TRIO: variants seen among roughly 807,000 people sequenced by gnomAD.
TRIO encodes triple functional domain protein.
In TRIO, 58 loss-of-function variants were observed where a neutral mutation model predicts 351.9. The observed-to-expected ratio is 0.16, with a 90% CI of 0.13 to 0.21. The LOEUF (loss-of-function observed/expected upper bound fraction) is 0.21. TRIO is among the 10% of genes least tolerant of loss of function. The pLI is 1.00. For synonymous variants in TRIO, 1,758 were observed against 1,595.7 expected (o/e 1.10, Z -2.42); for missense variants, 3,201 against 4,027.8 (o/e 0.79, Z 5.56).
In TRIO at chr5:14,297,431, C is replaced by A. The variant is rs961687743; in HGVS notation, c.1368+168C>A. The A allele has an allele frequency of 8.0e-6, 6 of 753,806 alleles. No individual in the cohort carries two copies. In the African/African-American group the frequency reaches 1.1e-4, roughly 13 times the overall value. 46.7% of individuals were successfully genotyped at this position (753,806 alleles called of 1,614,324 possible). ...TAAATTCCAGCTCTTTTAGTCCTTG[C>A]TGCGTAACCTTAGGCAAGTGACTTA... On this transcript the variant is annotated intron_variant, in intron 7 of 56. Transcript: ENST00000344204.
chr5:14,259,121 C>T (rs758409808), intron 1 of TRIO, among the ~76,000 whole-genome samples: 13 of 152,204 alleles, frequency 8.5e-5, no homozygotes, highest in Non-Finnish European at 1.2e-4. Flanking sequence ...AGGGTCCTCA[C>T]GCCTCCAGCG....
chr5:14,205,781 G>C lies in TRIO; in HGVS notation c.157+61899G>C, dbSNP rs149983644. Among the ~76,000 whole-genome samples, 558 of 152,306 alleles carry C rather than the reference G, an allele frequency of 3.7e-3. 3 individuals are homozygous for C. The highest frequency in any genetic ancestry group is 0.013 in the African/African-American group (536 of 41,570). On this transcript the variant is annotated intron_variant, in intron 1 of 56. Transcript: ENST00000344204. The stretch of plus-strand genomic sequence containing the variant: ...AGAGTCTCATGCTGTCACCCGGGCT[G>C]GAGTGCAGTGGCACGCTCTCTGCTC...
chr5:14,275,647 G>T (rs1735430152), intron 2 of TRIO, among the ~76,000 whole-genome samples: 1 of 148,886 alleles, frequency 6.7e-6, no homozygotes. Context: ...TTTCCCTTCT[G>T]TTTTCATCTT....
At chr5:14,368,649 C>A in intron 16 of TRIO, 59 bp from the exon 17 acceptor site, 2 of 1,545,044 alleles carry the variant, frequency 1.3e-6, no homozygotes, top group Admixed American at 1.9e-5. Context: ...CATCCTGGTT[C>A]CTTTCTAGTC....
Position 14,488,125 on chromosome 5 carries a change from C to G in TRIO, c.7497C>G (p.Ser2499=). 3.1e-6 allele frequency: 5 copies of G among 1,609,458 alleles called. No homozygotes were observed. Among genetic ancestry groups the G allele is most frequent in the Non-Finnish European group, 4.2e-6 (5 of 1,179,458 alleles). The change falls in exon 48 of 57, where the codon TCC becomes TCG. Residue 2499 remains serine (S), a synonymous_variant. Transcript: ENST00000344204. ...IPASPASRPG[S]FTFPGDSDSL... The stretch of plus-strand genomic sequence containing the variant: ...CCTCCCCCGCCAGCCGACCCGGCTC[C>G]TTCACCTTCCCGGGGGACAGCGACT...
Position 14,509,530 on chromosome 5 carries a change from A to C in TRIO, c.*1108A>C. ...AAACTGGATAATAGGGTAATGTTTT[A>C]AAATTTATTATGCTATTATTCAGAA... is the stretch of plus-strand genomic sequence containing the variant. On this transcript the variant is annotated 3_prime_UTR_variant, in exon 57 of 57. Transcript: ENST00000344204. 1 of 386,146 alleles carries C rather than the reference A, an allele frequency of 2.6e-6. No homozygotes were observed. The highest frequency in any genetic ancestry group is 5.0e-6 in the Non-Finnish European group (1 of 198,222). The allele number at this position is 386,146 out of a possible 1,614,324, so 23.9% of individuals were successfully genotyped here.
At chr5:14,265,740 A>G (rs1795633892) in intron 1 of TRIO, among the ~76,000 whole-genome samples, 1 of 152,210 alleles carries the variant, frequency 6.6e-6, no homozygotes, top group Non-Finnish European at 1.5e-5. Flanking sequence ...ATGACAGATG[A>G]GTAATTGATT....
At position 14,481,221 on chromosome 5, in the gene TRIO, A is replaced by G; in HGVS notation, c.6337-13A>G. The G allele has an allele frequency of 1.2e-6, 2 of 1,612,984 alleles. No homozygotes were observed. Among genetic ancestry groups the G allele is most frequent in the Non-Finnish European group, 1.7e-6 (2 of 1,179,596 alleles). On this transcript the variant is annotated splice_polypyrimidine_tract_variant and intron_variant, in intron 43 of 56. Coordinates refer to ENST00000344204, the MANE Select transcript of TRIO (RefSeq NM_007118.4). ...TTGTCACCATTATCATGTCCTCTCC[A>G]TTTCCCTTGCAGGACTTCCTCAAGT...
chr5:14,292,949 T>A, intron 5 of TRIO, 63 bp from the exon 6 acceptor site: 1 of 1,609,176 alleles, frequency 6.2e-7, no homozygotes, highest in Non-Finnish European at 8.5e-7. Flanking sequence ...GCCCCATCTG[T>A]GGGCTTGTGT....
intron 10 of TRIO, among the ~76,000 whole-genome samples, chr5:14,333,593 A>C (rs766426956): frequency 2.0e-5 from 3 of 152,064 alleles, no homozygotes; most frequent in Non-Finnish European, 4.4e-5. Context: ...TCAAATGCTC[A>C]TTTTCCTTCT....
chr5:14,316,671 C>A lies in TRIO; in HGVS notation c.1659C>A (p.Asn553Lys), dbSNP rs1278308018. 1 of 1,614,110 alleles carries A rather than the reference C, an allele frequency of 6.2e-7. No individual in the cohort carries two copies. Among genetic ancestry groups the A allele is most frequent in the Non-Finnish European group, 8.5e-7 (1 of 1,180,056 alleles). ...TGCACCACCAGCGGCAGCTGGAGAA[C>A]ATCTGGCAACACCGCAAGGTCCGGC... ...EVLHHQRQLE[N>K]IWQHRKVRLH... Residue 553 changes from asparagine to lysine, a missense_variant, in exon 9 of 57, where the codon AAC becomes AAA. By Grantham distance (94) the Asn-to-Lys change is moderately conservative. Around this residue, in one of 19 missense-constraint regions of TRIO, gnomAD observed 349 missense variants for 449.3 expected, o/e 0.78. Transcript: ENST00000344204.
At chr5:14,198,951 T>C (rs1790931251) in intron 1 of TRIO, among the ~76,000 whole-genome samples, 1 of 151,982 alleles carries the variant, frequency 6.6e-6, no homozygotes, top group Non-Finnish European at 1.5e-5. Context: ...TAAAAGTACC[T>C]CTTGGGCCGG....
Position 14,143,692 on chromosome 5 carries a change from C to A in TRIO, c.-34C>A. ...CACGCGGCGCTAGGGGCGCGGGGCC[C>A]GAGGCGGGCGCGGCCGCGGGCGCCG... On this transcript the variant is annotated 5_prime_UTR_variant, in exon 1 of 57. Coordinates refer to ENST00000344204, the MANE Select transcript of TRIO (RefSeq NM_007118.4). The A allele has an allele frequency of 4.1e-6, 4 of 969,986 alleles. No homozygotes were observed. The South Asian group carries it at 1.4e-4, about 35-fold the overall frequency. 60.1% of individuals were successfully genotyped at this position (969,986 alleles called of 1,614,324 possible). A position where few individuals can be genotyped will look rare whatever the true frequency, so the allele number is the denominator to read the frequency against.
intron 31 of TRIO, among the ~76,000 whole-genome samples, chr5:14,402,791 T>A (rs1748197532): frequency 6.6e-6 from 1 of 151,796 alleles, no homozygotes; most frequent in African/African-American, 2.4e-5. Flanking sequence ...GTGGTGAGGT[T>A]GTAGATGGAG....
At chr5:14,421,963 C>T (rs13153698) in intron 34 of TRIO, among the ~76,000 whole-genome samples, 1 of 152,198 alleles carries the variant, frequency 6.6e-6, no homozygotes, top group Non-Finnish European at 1.5e-5. Flanking sequence ...TCCCCCTTCT[C>T]CTGCCCTGTG....
chr5:14,395,283 T>C (rs1747462770), intron 28 of TRIO, among the ~76,000 whole-genome samples: 1 of 152,250 alleles, frequency 6.6e-6, no homozygotes, highest in Non-Finnish European at 1.5e-5. Flanking sequence ...CAGAAATATA[T>C]AGTTACTATG....
rs1443140279 is a variant in TRIO at position 14,286,466 on chromosome 5, G to T, written c.348-405G>T. Among the ~76,000 whole-genome samples the T allele has an allele frequency of 1.3e-5, 2 of 152,138 alleles. No homozygotes were observed. Among genetic ancestry groups the T allele is most frequent in the Non-Finnish European group, 2.9e-5 (2 of 68,030 alleles). On this transcript the variant is annotated intron_variant, in intron 3 of 56. Coordinates refer to ENST00000344204, the MANE Select transcript of TRIO (RefSeq NM_007118.4). This position sits in a 1 kb window ranked among gnomAD's most constrained non-coding sequence, Gnocchi z 4.4. ...TCAGACTGTCCCCAGTCTGGGTTTT[G>T]TTGCAGGCTGTCAGGGTTTTGTACT...
chr5:14,198,029 T>G (rs1790882548), intron 1 of TRIO, among the ~76,000 whole-genome samples: 1 of 152,186 alleles, frequency 6.6e-6, no homozygotes, highest in Non-Finnish European at 1.5e-5. Context: ...AGATAGTCAT[T>G]GCCTCTGCTT....
At chr5:14,502,440 C>G (rs973898094) in intron 53 of TRIO, 139 bp from the exon 54 acceptor site, 1 of 688,474 alleles carries the variant, frequency 1.5e-6, no homozygotes, top group African/African-American at 1.8e-5. Context: ...GCAGCCACCA[C>G]ATCTCCACTC....
Sources: gnomAD v4.1 joint callset for allele counts (sites outside exome capture counted in the v4.1 genomes callset) on GRCh38, gnomAD v4.1.1 for gene constraint, gnomAD v4.1.1 regional missense constraint, Gnocchi (gnomAD v3.1) non-coding constraint, MANE v1.5 for transcripts, NCBI Gene and HGNC (gene_info 2026-07-23, HGNC 2026-07-21) for gene names.